MYT1L: variants seen among roughly 807,000 people sequenced by gnomAD.
The protein encoded by MYT1L is myelin transcription factor 1-like protein.
In MYT1L, 12 loss-of-function variants were observed where a neutral mutation model predicts 126.7. That is an observed-to-expected ratio of 0.09 (90% CI 0.06 to 0.15). The LOEUF is 0.15. Ranked by LOEUF, MYT1L falls within the 10% of genes least tolerant of loss-of-function variation. MYT1L has a pLI of 1.00. For missense variants in MYT1L, 979 were observed against 1,585.2 expected (o/e 0.62, Z 6.49); for synonymous variants, 541 against 604.2 (o/e 0.90, Z 1.53).
chr2:1,914,737 G>A, intron 11 of MYT1L, among the ~76,000 whole-genome samples: 1 of 152,050 alleles, frequency 6.6e-6, no homozygotes, highest in Non-Finnish European at 1.5e-5. Context: ...CATCCTCTTG[G>A]TCTCCCCTCT....
At chr2:1,959,405 GTAGA>G (rs1373352829) in intron 8 of MYT1L, among the ~76,000 whole-genome samples, 66 of 152,344 alleles carry the variant, frequency 4.3e-4, no homozygotes, top group African/African-American at 1.5e-3. Context: ...CTCCTGGAGA[GTAGA>G]GACAGGGCTG....
chr2:1,946,956 C>T (rs1362055398), intron 8 of MYT1L, among the ~76,000 whole-genome samples: 2 of 152,152 alleles, frequency 1.3e-5, no homozygotes, highest in Admixed American at 6.5e-5. Flanking sequence ...CAGCTGTGCA[C>T]GGATGGCTCC....
chr2:1,984,743 T>A lies in MYT1L; in HGVS notation c.1-4966A>T, dbSNP rs191182231. Among the ~76,000 whole-genome samples, 843 of 151,600 alleles carry A rather than the reference T, an allele frequency of 5.6e-3. 3 individuals carry two copies. Among genetic ancestry groups the A allele is most frequent in the South Asian group, 0.012 (56 of 4,782 alleles). On this transcript the variant is annotated intron_variant, in intron 5 of 24. Transcript: ENST00000647738. ...CCAGGATGGTCTCAATCTCCTGACT[T>A]CGTGATCCACCTGCCTCAGCCTCCC...
intron 18 of MYT1L, among the ~76,000 whole-genome samples, chr2:1,881,735 C>T (rs539275631): frequency 1.9e-4 from 29 of 152,006 alleles, no homozygotes; most frequent in South Asian, 1.5e-3. Context: ...GCTCCCTGTG[C>T]GGGTCACAGG....
chr2:2,221,659 C>A (rs1421147683), intron 2 of MYT1L, among the ~76,000 whole-genome samples: 1 of 152,194 alleles, frequency 6.6e-6, no homozygotes, highest in East Asian at 1.9e-4. Flanking sequence ...GTCCATTACC[C>A]CGTGGCAGGA....
At chr2:2,264,217 A>G (rs73913299) in intron 2 of MYT1L, among the ~76,000 whole-genome samples, 2,447 of 152,192 alleles carry the variant, frequency 0.016, 64 homozygotes, top group African/African-American at 0.056. Context: ...TATCTCATGC[A>G]AGTCTGACTG....
Position 2,053,981 on chromosome 2 carries a change from T to C in MYT1L, c.-161A>G, listed in dbSNP as rs1288194119. The C allele has an allele frequency of 6.6e-6, 1 of 152,664 alleles. No homozygotes were observed. Among genetic ancestry groups the C allele is most frequent in the Non-Finnish European group, 1.5e-5 (1 of 68,032 alleles). 9.5% of individuals were successfully genotyped at this position (152,664 alleles called of 1,614,324 possible). On this transcript the variant is annotated 5_prime_UTR_variant, in exon 4 of 25. The change abolishes the stop of an existing upstream ORF in the 5' untranslated region. Coordinates refer to ENST00000647738, the MANE Select transcript of MYT1L (RefSeq NM_001303052.2). Reference sequence around the variant, plus strand: ...AATACCACATAGAGTTCCTCACCTTTAGGTGGCTCCTCGGATATCCATACG... The same window carrying C: ...AATACCACATAGAGTTCCTCACCTTCAGGTGGCTCCTCGGATATCCATACG...
intron 18 of MYT1L, among the ~76,000 whole-genome samples, chr2:1,861,305 C>A (rs995771475): frequency 1.8e-4 from 28 of 152,102 alleles, no homozygotes; most frequent in African/African-American, 6.5e-4. Flanking sequence ...AAAAGCAGAT[C>A]AGTTTCCAAA....
intron 2 of MYT1L, among the ~76,000 whole-genome samples, chr2:2,265,103 C>G (rs2149307734): frequency 6.6e-6 from 1 of 151,544 alleles, no homozygotes; most frequent in African/African-American, 2.4e-5. Context: ...TAATGGCTCA[C>G]TGCAACATTT....
intron 2 of MYT1L, among the ~76,000 whole-genome samples, chr2:2,276,664 G>T (rs1368871152): frequency 6.6e-6 from 1 of 152,076 alleles, no homozygotes; most frequent in East Asian, 1.9e-4. Context: ...AAGCAGCTTG[G>T]GAAGGCTGAA....
intron 21 of MYT1L, among the ~76,000 whole-genome samples, chr2:1,813,167 G>A (rs575527682): frequency 6.6e-6 from 1 of 152,340 alleles, no homozygotes; most frequent in South Asian, 2.1e-4. Flanking sequence ...TGAGGGGCCA[G>A]GAGCTGCAGG....
chr2:2,145,908 T>C (rs1403286156), intron 3 of MYT1L, among the ~76,000 whole-genome samples: 1 of 152,194 alleles, frequency 6.6e-6, no homozygotes, highest in Non-Finnish European at 1.5e-5. Flanking sequence ...AAAAAAATGA[T>C]GTAATGTTCA....
At chr2:2,253,449 A>C (rs1400281353) in intron 2 of MYT1L, among the ~76,000 whole-genome samples, 2 of 152,256 alleles carry the variant, frequency 1.3e-5, no homozygotes, top group Admixed American at 1.3e-4. Context: ...GGCGTGGCCC[A>C]GAGTCACTGA....
chr2:1,807,123 AGACAGGAGCAGCCTGGGG>A (rs1426081429), intron 22 of MYT1L, among the ~76,000 whole-genome samples: 1 of 152,162 alleles, frequency 6.6e-6, no homozygotes, highest in Non-Finnish European at 1.5e-5. Context: ...GCAGCCTGGG[AGACAGGAGCAGCCTGGGG>A]GACAGGATGC....
chr2:2,319,833 T>G (rs1031496905), intron 1 of MYT1L, among the ~76,000 whole-genome samples: 1 of 151,818 alleles, frequency 6.6e-6, no homozygotes. Context: ...GGGCAGAAAT[T>G]TGTTACTCAG....
At chr2:2,328,428 T>C (rs889369806) in intron 1 of MYT1L, among the ~76,000 whole-genome samples, 6 of 152,226 alleles carry the variant, frequency 3.9e-5, no homozygotes, top group African/African-American at 1.4e-4. Flanking sequence ...AAGGTCATGC[T>C]TTGACAGCTT....
At chr2:2,098,724 C>T (rs909342711) in intron 3 of MYT1L, among the ~76,000 whole-genome samples, 10 of 152,206 alleles carry the variant, frequency 6.6e-5, no homozygotes, top group African/African-American at 2.2e-4. Flanking sequence ...GAAACACAAA[C>T]ATTGATGTGA....
intron 8 of MYT1L, among the ~76,000 whole-genome samples, chr2:1,957,476 C>A (rs1434886554): frequency 6.6e-6 from 1 of 152,098 alleles, no homozygotes; most frequent in Non-Finnish European, 1.5e-5. Context: ...GTTCTTACGC[C>A]TTTGCGTCTT....
chr2:2,322,511 T>A (rs2096185233), intron 1 of MYT1L, among the ~76,000 whole-genome samples: 1 of 151,526 alleles, frequency 6.6e-6, no homozygotes, highest in Admixed American at 6.6e-5. Context: ...GTGAGCCTGC[T>A]CCACAGCCTG....
Sources: allele counts gnomAD v4.1 joint callset (sites outside exome capture counted in the v4.1 genomes callset), GRCh38; gene constraint gnomAD v4.1.1; transcripts MANE v1.5; gene names NCBI Gene and HGNC (gene_info 2026-07-23, HGNC 2026-07-21).